PKHD1L1: variants seen among roughly 807,000 people sequenced by gnomAD.
PKHD1L1 encodes PKHD1 like 1, also known as fibrocystin-L.
PKHD1L1 carries 434 observed loss-of-function variants against 462.9 expected under a neutral mutation model. The ratio of observed to expected loss-of-function variants is 0.94; its 90% CI spans 0.87 to 1.02. PKHD1L1 has a LOEUF of 1.02. PKHD1L1 is among the 50% of genes least tolerant of loss of function. The pLI, the probability that PKHD1L1 is intolerant of heterozygous loss-of-function variation, is 0.00. For missense variants in PKHD1L1, 5,202 were observed against 5,096.1 expected, an observed-to-expected ratio of 1.02 and a Z score of -0.63; for synonymous variants, 1,781 against 1,750.0, an observed-to-expected ratio of 1.02 and a Z score of -0.44.
chr8:109,472,200 T>C (rs991043718), intron 50 of PKHD1L1, among the ~76,000 whole-genome samples: 9 of 152,168 alleles, frequency 5.9e-5, no homozygotes, highest in African/African-American at 2.2e-4. Flanking sequence ...ATGTTTTTAC[T>C]GAATGATCTA....
chr8:109,449,891 T>C (rs1353033760), intron 40 of PKHD1L1, among the ~76,000 whole-genome samples: 1 of 152,232 alleles, frequency 6.6e-6, no homozygotes, highest in Non-Finnish European at 1.5e-5. Context: ...ATAAGTTATT[T>C]AACCTCTCTA....
intron 48 of PKHD1L1, 143 bp downstream of exon 48, chr8:109,462,051 C>G (rs867445495): frequency 9.8e-7 from 1 of 1,021,728 alleles, no homozygotes; most frequent in African/African-American, 1.6e-5. Context: ...TTAATACACC[C>G]ATTTGATCAT....
At chr8:109,395,671 A>G (rs1212832775) in intron 10 of PKHD1L1, among the ~76,000 whole-genome samples, 5 of 152,208 alleles carry the variant, frequency 3.3e-5, no homozygotes, top group African/African-American at 1.2e-4. Flanking sequence ...TTGGTCCATA[A>G]ACATAGGAAA....
rs963574485 is a variant in PKHD1L1, at chr8:109,419,222, T to C, written c.2486T>C (p.Val829Ala). The C allele has an allele frequency of 4.3e-6, 7 of 1,611,680 alleles. No individual in the cohort carries two copies. The East Asian group carries it at 1.3e-4, about 31-fold the overall frequency. ...SESQSFYVDVVYIGHTSTIST... is the reference protein window; with the variant it reads ...SESQSFYVDVAYIGHTSTIST... ...TCACAGTCCTTCTATGTGGATGTAG[T>C]GTACATTGGACACACATCTACAATC... is the stretch of plus-strand genomic sequence containing the variant. The change falls in exon 22 of 78, where the codon GTG becomes GCG. Residue 829 changes from valine (V) to alanine (A), a missense_variant. Physicochemically the swap from Val to Ala is moderately conservative, Grantham distance 64 (BLOSUM62 0). Around this residue, in one of 3 missense-constraint regions of PKHD1L1, gnomAD observed 4,497 missense variants for 4,336.8 expected, o/e 1.04. Coordinates refer to ENST00000378402, the MANE Select transcript of PKHD1L1 (RefSeq NM_177531.6).
At chr8:109,420,389 T>A in intron 22 of PKHD1L1, 129 bp from the exon 23 acceptor site, 2 of 538,168 alleles carry the variant, frequency 3.7e-6, no homozygotes, top group Non-Finnish European at 6.2e-6. Context: ...ACAATGTTGA[T>A]ATTATTTGAT....
chr8:109,479,606 C>A lies in PKHD1L1; in HGVS notation c.9145C>A (p.Pro3049Thr). ...QSSRENNYTVPHPGANVIIPE... is the reference protein window; with the variant it reads ...QSSRENNYTVTHPGANVIIPE... ...ATCACGAGAAAATAATTATACTGTA[C>A]CTCACCCAGGGGCAAATGTGATTAT... is the stretch of plus-strand genomic sequence containing the variant. Residue 3049 changes from proline to threonine, a missense_variant, in exon 54 of 78, where the codon CCT becomes ACT. By Grantham distance (38) the Pro-to-Thr change is conservative. Transcript: ENST00000378402. 1 of 1,537,694 alleles carries A rather than the reference C, an allele frequency of 6.5e-7. No individual in the cohort carries two copies. Among genetic ancestry groups the A allele is most frequent in the Non-Finnish European group, 8.9e-7 (1 of 1,118,692 alleles).
chr8:109,514,200 A>G (rs1383282161), intron 71 of PKHD1L1, among the ~76,000 whole-genome samples: 1 of 151,974 alleles, frequency 6.6e-6, no homozygotes, highest in Non-Finnish European at 1.5e-5. Flanking sequence ...ATTCTTCCCT[A>G]AGTGGCTAAA....
chr8:109,387,194 C>G (rs1812486818), intron 6 of PKHD1L1, among the ~76,000 whole-genome samples: 1 of 152,028 alleles, frequency 6.6e-6, no homozygotes, highest in African/African-American at 2.4e-5. Flanking sequence ...CAAATCTTGT[C>G]CATTCAACTA....
At chr8:109,455,476 T>G (rs1448552257) in intron 45 of PKHD1L1, among the ~76,000 whole-genome samples, 1 of 152,328 alleles carries the variant, frequency 6.6e-6, no homozygotes, top group East Asian at 1.9e-4. Context: ...TCTTCTCGTT[T>G]CATTTTACAC....
At chr8:109,465,727 G>T (rs770094605) in intron 49 of PKHD1L1, among the ~76,000 whole-genome samples, 2 of 152,100 alleles carry the variant, frequency 1.3e-5, no homozygotes. Flanking sequence ...TTTAAGAGAA[G>T]AAATAAGTCA....
chr8:109,406,506 T>C (rs758011992), intron 17 of PKHD1L1, 28 bp downstream of exon 17: 48 of 1,564,240 alleles, frequency 3.1e-5, no homozygotes, highest in Non-Finnish European at 4.3e-6. Context: ...TTTGTACTTC[T>C]GTAGGAAACA....
intron 68 of PKHD1L1, among the ~76,000 whole-genome samples, 193 bp from the exon 69 acceptor site, chr8:109,507,470 A>G (rs1468541733): frequency 6.6e-6 from 1 of 152,168 alleles, no homozygotes; most frequent in Non-Finnish European, 1.5e-5. Context: ...ATAATCATAG[A>G]CCAAATCAAC....
rs1404671261 is a variant in PKHD1L1 at position 109,454,236 on chromosome 8, G to A, written c.6734G>A (p.Gly2245Asp). ...GAAAATATTCTAATTACAGATGGAG[G>A]TGTTCTTCAGGTATTCAAAAGAACA... is the stretch of plus-strand genomic sequence containing the variant. ...QAENILITDG[G>D]VLQIGTETSP... is the part of the protein sequence containing the mutation. The change falls in exon 44 of 78, where the codon GGT becomes GAT. Residue 2245 changes from glycine (G) to aspartate (D), a missense_variant. Physicochemically the swap from Gly to Asp is moderately conservative, Grantham distance 94. Transcript: ENST00000378402. 1.9e-6 allele frequency: 3 copies of A among 1,601,962 alleles called. No individual in the cohort carries two copies. The South Asian group carries it at 3.4e-5, about 18-fold the overall frequency.
chr8:109,501,111 T>C (rs1390765289), intron 67 of PKHD1L1, among the ~76,000 whole-genome samples: 1 of 148,896 alleles, frequency 6.7e-6, no homozygotes, highest in East Asian at 1.9e-4. Flanking sequence ...ATGTATTCTA[T>C]ATTTTTGATA....
At chr8:109,410,193 C>G (rs1222195814) in intron 19 of PKHD1L1, among the ~76,000 whole-genome samples, 3 of 152,120 alleles carry the variant, frequency 2.0e-5, no homozygotes, top group Non-Finnish European at 2.9e-5. Flanking sequence ...TTTTACTACT[C>G]ATGAATTTTC....
chr8:109,375,782 C>T (rs1040822596), intron 2 of PKHD1L1, among the ~76,000 whole-genome samples: 1 of 152,178 alleles, frequency 6.6e-6, no homozygotes, highest in Non-Finnish European at 1.5e-5. Context: ...ACCCTGTTTG[C>T]TTAGGTATCA....
chr8:109,423,972 TAATTG>T (rs1168820869), intron 23 of PKHD1L1, among the ~76,000 whole-genome samples: 1 of 152,192 alleles, frequency 6.6e-6, no homozygotes, highest in Non-Finnish European at 1.5e-5. Flanking sequence ...TATAGAAATG[TAATTG>T]ATTTTTGTGT....
In PKHD1L1 at chr8:109,362,574, C is replaced by T. The variant is rs1018981615; in HGVS notation, c.-7C>T. 2 of 1,605,520 alleles carry T rather than the reference C, an allele frequency of 1.2e-6. No individual in the cohort carries two copies. The highest frequency in any genetic ancestry group is 8.5e-7 in the Non-Finnish European group (1 of 1,176,114). On this transcript the variant is annotated 5_prime_UTR_variant, in exon 1 of 78. Coordinates refer to ENST00000378402, the MANE Select transcript of PKHD1L1 (RefSeq NM_177531.6). The stretch of plus-strand genomic sequence containing the variant: ...GAGGGCACCAACTCCGCAGAACTGG[C>T]TTTTCAATGGGACACCTGTGGCTCC...
At position 109,534,968 on chromosome 8, in the gene PKHD1L1, ACT is replaced by A. The variant is rs1443132799; in HGVS notation, c.*4881_*4882del. 6.6e-6 allele frequency among the ~76,000 whole-genome samples: 1 copy of A among 152,104 alleles called. No homozygotes were observed. Among genetic ancestry groups the A allele is most frequent in the African/African-American group, 2.4e-5 (1 of 41,414 alleles). On this transcript the variant is annotated 3_prime_UTR_variant, in exon 78 of 78. Transcript: ENST00000378402. ...AATTTCTCTAAAGTGCTTAGCACAC[ACT>A]CTGCCCATGGTAAGTGTTAAATAAA...
Sources: allele counts gnomAD v4.1 joint callset (sites outside exome capture counted in the v4.1 genomes callset), GRCh38; gene constraint gnomAD v4.1.1; regional missense constraint gnomAD v4.1.1; transcripts MANE v1.5; gene names NCBI Gene and HGNC (gene_info 2026-07-23, HGNC 2026-07-21).